STRBP: variants seen among roughly 807,000 people sequenced by gnomAD.
STRBP encodes spermatid perinuclear RNA-binding protein.
STRBP carries 13 observed loss-of-function variants against 80.1 expected under a neutral mutation model. That is an observed-to-expected ratio of 0.16 (90% CI 0.11 to 0.26). The LOEUF (loss-of-function observed/expected upper bound fraction) is 0.26, where lower values mean the gene tolerates loss of function less well. Among genes scored for constraint, STRBP ranks in the 10% least tolerant of loss-of-function variants. The pLI, the probability that STRBP is intolerant of heterozygous loss-of-function variation, is 1.00. For missense variants in STRBP, 485 were observed against 815.2 expected, an observed-to-expected ratio of 0.59 and a Z score of 4.93; for synonymous variants, 284 against 291.2, an observed-to-expected ratio of 0.98 and a Z score of 0.25.
intron 1 of STRBP, among the ~76,000 whole-genome samples, chr9:123,254,029 A>G (rs2040970422): frequency 6.7e-6 from 1 of 150,016 alleles, no homozygotes; most frequent in Non-Finnish European, 1.5e-5. Context: ...TAGCCTTTTA[A>G]AAAAACGTTT....
chr9:123,221,589 T>A (rs1328053053), intron 2 of STRBP, among the ~76,000 whole-genome samples: 1 of 152,278 alleles, frequency 6.6e-6, no homozygotes, highest in Non-Finnish European at 1.5e-5. Context: ...TGTATCTCTG[T>A]GTTTTGTGAA....
rs182913431 is a variant in STRBP, at chr9:123,122,152, T to C, written c.*3445A>G. The C allele has an allele frequency of 6.1e-6, 2 of 326,594 alleles. No individual in the cohort carries two copies. The highest frequency in any genetic ancestry group is 2.2e-5 in the African/African-American group (1 of 45,640). The allele number at this position is 326,594 out of a possible 1,614,324, so 20.2% of individuals were successfully genotyped here. The stretch of plus-strand genomic sequence containing the variant: ...TTGTCATATATGCATGTTGTCTTAA[T>C]TGACTATTTTTCTCTTTAATCAGAA... On this transcript the variant is annotated 3_prime_UTR_variant, in exon 19 of 19. Coordinates refer to ENST00000348403, the MANE Select transcript of STRBP (RefSeq NM_018387.5).
At chr9:123,158,173 A>G (rs141833994) in intron 10 of STRBP, 50 bp from the exon 11 acceptor site, 1 of 1,540,140 alleles carries the variant, frequency 6.5e-7, no homozygotes, top group African/African-American at 1.4e-5. Flanking sequence ...CCATTCATAA[A>G]GCCCTTAGAA....
chr9:123,161,210 T>C, intron 6 of STRBP, 142 bp from the exon 7 acceptor site: 2 of 625,438 alleles, frequency 3.2e-6, no homozygotes, highest in East Asian at 3.1e-5. Flanking sequence ...CATTTGGCTG[T>C]GTTGCTTTTT....
At position 123,158,326 on chromosome 9, in the gene STRBP, T is replaced by A. The variant is rs2132389922; in HGVS notation, c.933+6A>T. The A allele has an allele frequency of 1.9e-6, 3 of 1,612,882 alleles. 1 individual carries two copies. The Middle Eastern group carries it at 5.0e-4, about 266-fold the overall frequency. On this transcript the variant is annotated splice_donor_region_variant and intron_variant, in intron 10 of 18. Transcript: ENST00000348403. ...ATAAGTCAGAGTGGCATGCTCAATC[T>A]TCTACCTGTGCACTGTGGGTAATAT...
chr9:123,169,776 G>T, intron 6 of STRBP, 126 bp downstream of exon 6: 1 of 512,994 alleles, frequency 1.9e-6, no homozygotes, highest in Non-Finnish European at 2.8e-6. Flanking sequence ...TAAATAGAGT[G>T]GCATAAAACA....
intron 1 of STRBP, among the ~76,000 whole-genome samples, chr9:123,239,737 A>G (rs1385344369): frequency 2.6e-5 from 4 of 152,230 alleles, no homozygotes; most frequent in African/African-American, 9.6e-5. Flanking sequence ...GTTTTAAAGG[A>G]TAGTTATAAA....
At chr9:123,259,937 T>G (rs1384564752) in intron 1 of STRBP, among the ~76,000 whole-genome samples, 2 of 152,220 alleles carry the variant, frequency 1.3e-5, no homozygotes, top group Non-Finnish European at 2.9e-5. Context: ...AACTTCGTAG[T>G]CTTGACAGGT....
intron 2 of STRBP, among the ~76,000 whole-genome samples, chr9:123,197,778 G>A (rs1284869811): frequency 6.4e-5 from 9 of 141,394 alleles, no homozygotes; most frequent in African/African-American, 2.3e-4. Context: ...GGGTTCAAGC[G>A]ATTCTCCTGC....
chr9:123,253,769 C>G (rs1251934646), intron 1 of STRBP, among the ~76,000 whole-genome samples: 2 of 152,206 alleles, frequency 1.3e-5, no homozygotes, highest in Non-Finnish European at 2.9e-5. Flanking sequence ...GAAGGATACT[C>G]TGTTTCTCAC....
At chr9:123,235,005 G>C (rs201741666) in intron 2 of STRBP, among the ~76,000 whole-genome samples, 2,372 of 147,094 alleles carry the variant, frequency 0.016, 38 homozygotes, top group South Asian at 0.064. Flanking sequence ...TTGGGGGGGG[G>C]GGGTACTGGG....
intron 3 of STRBP, among the ~76,000 whole-genome samples, chr9:123,179,516 C>T (rs1036666714): frequency 7.2e-5 from 11 of 152,166 alleles, no homozygotes; most frequent in Non-Finnish European, 1.5e-4. Context: ...GGGCACATGC[C>T]TGTAATCCCA....
chr9:123,206,634 TTTTC>T lies in STRBP; in HGVS notation c.-164-22340_-164-22337del, dbSNP rs1163752275. On this transcript the variant is annotated intron_variant, in intron 2 of 18. Coordinates refer to ENST00000348403, the MANE Select transcript of STRBP (RefSeq NM_018387.5). ...TCCATAATAAGATTTTTTTTTCTTTTTTTCTTTATTTTTTTTATTTTTGACACGG... is the reference window on the plus strand; with the variant it reads ...TCCATAATAAGATTTTTTTTTCTTTTTTTATTTTTTTTATTTTTGACACGG... Among the ~76,000 whole-genome samples the T allele has an allele frequency of 8.5e-5, 13 of 152,146 alleles. 1 individual carries two copies. Among genetic ancestry groups the T allele is most frequent in the South Asian group, 8.3e-4 (4 of 4,820 alleles).
At chr9:123,227,350 GCC>G (rs1160500188) in intron 2 of STRBP, among the ~76,000 whole-genome samples, 1 of 151,972 alleles carries the variant, frequency 6.6e-6, no homozygotes, top group Non-Finnish European at 1.5e-5. Context: ...AAGTGCAAAG[GCC>G]CTGAGTCTAA....
intron 13 of STRBP, among the ~76,000 whole-genome samples, chr9:123,144,369 T>G (rs1307293722): frequency 6.6e-6 from 1 of 152,194 alleles, no homozygotes; most frequent in African/African-American, 2.4e-5. Context: ...ATACCACGTA[T>G]TTTCCAAATC....
chr9:123,198,879 T>C (rs1323782497), intron 2 of STRBP, among the ~76,000 whole-genome samples: 2 of 152,236 alleles, frequency 1.3e-5, no homozygotes, highest in East Asian at 3.8e-4. Flanking sequence ...GTATGCTTCA[T>C]CAAAGATCAG....
chr9:123,139,779 T>C, intron 13 of STRBP, 92 bp from the exon 14 acceptor site: 1 of 1,326,028 alleles, frequency 7.5e-7, no homozygotes, highest in Non-Finnish European at 1.0e-6. Context: ...AAATCCATAG[T>C]GTTTGAACCA....
intron 14 of STRBP, 69 bp downstream of exon 14, chr9:123,139,460 T>C: frequency 1.6e-6 from 2 of 1,256,098 alleles, no homozygotes; most frequent in Non-Finnish European, 2.1e-6. Context: ...TTTATACTTT[T>C]CCACATCTCT....
chr9:123,182,217 TAAAAAAAAAAAA>T (rs10546358), intron 3 of STRBP, among the ~76,000 whole-genome samples: 12,357 of 70,292 alleles, frequency 0.18, 2,040 homozygotes, highest in African/African-American at 0.42. Context: ...TCCGTTTCTT[TAAAAAAAAAAAA>T]AAAAAAAAAA....
Sources: gnomAD v4.1 joint callset for allele counts (sites outside exome capture counted in the v4.1 genomes callset) on GRCh38, gnomAD v4.1.1 for gene constraint, MANE v1.5 for transcripts, NCBI Gene and HGNC (gene_info 2026-07-23, HGNC 2026-07-21) for gene names.